SUGCT: variants seen among roughly 807,000 people sequenced by gnomAD.
SUGCT encodes succinyl-CoA:glutarate-CoA transferase.
A neutral mutation model predicts 55.0 loss-of-function variants in SUGCT; 41 were observed. The ratio of observed to expected loss-of-function variants is 0.74; its 90% confidence interval spans 0.58 to 0.97. SUGCT has a LOEUF of 0.97. SUGCT is among the 50% of genes least tolerant of loss of function. SUGCT has a pLI of 0.00. For missense variants in SUGCT, 568 were observed against 547.8 expected (o/e 1.04, Z -0.37); for synonymous variants, 187 against 200.4 (o/e 0.93, Z 0.56).
chr7:41,038,034 A>G, the SUGCT span, among the ~76,000 whole-genome samples: 2 of 152,226 alleles, frequency 1.3e-5, no homozygotes, highest in Non-Finnish European at 2.9e-5. Flanking sequence ...AAGCGGGGGA[A>G]GAGTGCTTCT....
At chr7:40,845,052 T>TG (rs1793487356) in intron 13 of SUGCT, among the ~76,000 whole-genome samples, 1 of 140,736 alleles carries the variant, frequency 7.1e-6, no homozygotes, top group South Asian at 2.4e-4. Context: ...TGGTTTTTGG[T>TG]GGTTTATTTT....
chr7:40,577,745 T>TA (rs1796845954), intron 12 of SUGCT, among the ~76,000 whole-genome samples: 1 of 152,180 alleles, frequency 6.6e-6, no homozygotes, highest in Non-Finnish European at 1.5e-5. Context: ...ACTTTTTTTT[T>TA]AAACTGTAAG....
chr7:40,693,490 G>A (rs1784783503), intron 12 of SUGCT, among the ~76,000 whole-genome samples: 1 of 152,170 alleles, frequency 6.6e-6, no homozygotes, highest in Non-Finnish European at 1.5e-5. Context: ...AAGAAGCTGA[G>A]GGCCAGAGAG....
chr7:40,706,305 G>C (rs1018777231), intron 12 of SUGCT, among the ~76,000 whole-genome samples: 2 of 152,116 alleles, frequency 1.3e-5, no homozygotes, highest in South Asian at 4.1e-4. Flanking sequence ...CCAGGAGTTC[G>C]AGACCAGCCT....
chr7:40,216,436 G>A (rs1481395290), intron 6 of SUGCT, among the ~76,000 whole-genome samples: 1 of 147,100 alleles, frequency 6.8e-6, no homozygotes, highest in Admixed American at 6.9e-5. Context: ...GGAGGAGGAG[G>A]TTGTAGTGAG....
chr7:40,904,828 A>G, the SUGCT span, among the ~76,000 whole-genome samples: 2 of 152,176 alleles, frequency 1.3e-5, no homozygotes, highest in Non-Finnish European at 2.9e-5. Flanking sequence ...GTGTAAAACA[A>G]TCCCTTTTTC....
At chr7:40,736,263 CAATATATA>C (rs1562971078) in intron 12 of SUGCT, among the ~76,000 whole-genome samples, 3 of 75,996 alleles carry the variant, frequency 3.9e-5, no homozygotes, top group Non-Finnish European at 6.9e-5. Context: ...TATAATATTT[CAATATATA>C]ATATATAATA....
the SUGCT span, among the ~76,000 whole-genome samples, chr7:40,982,387 T>C: frequency 1.1e-4 from 17 of 152,104 alleles, no homozygotes; most frequent in African/African-American, 4.1e-4. Context: ...TTACTGGACT[T>C]TTAGGGTTAG....
At chr7:40,595,289 C>T (rs1261823726) in intron 12 of SUGCT, among the ~76,000 whole-genome samples, 1 of 152,138 alleles carries the variant, frequency 6.6e-6, no homozygotes, top group African/African-American at 2.4e-5. Context: ...ATGCTGAAGG[C>T]CACATTCTTT....
intron 12 of SUGCT, among the ~76,000 whole-genome samples, chr7:40,628,482 G>T (rs1446323777): frequency 6.6e-6 from 1 of 152,156 alleles, no homozygotes; most frequent in African/African-American, 2.4e-5. Flanking sequence ...CTGTCAGGTG[G>T]GACATCTAGA....
intron 12 of SUGCT, among the ~76,000 whole-genome samples, chr7:40,677,908 C>T (rs1784072864): frequency 6.6e-6 from 1 of 152,166 alleles, no homozygotes; most frequent in Non-Finnish European, 1.5e-5. Context: ...CTGGGCTGCA[C>T]TCATCTGAAG....
chr7:40,912,964 GCTATCCTTCA>G, the SUGCT span, among the ~76,000 whole-genome samples: 2 of 150,582 alleles, frequency 1.3e-5, no homozygotes, highest in African/African-American at 4.9e-5. Context: ...GCCATCTCCT[GCTATCCTTCA>G]CCATCCTTCC....
intron 12 of SUGCT, among the ~76,000 whole-genome samples, chr7:40,730,967 T>C (rs1786860563): frequency 6.6e-6 from 1 of 152,138 alleles, no homozygotes; most frequent in South Asian, 2.1e-4. Context: ...AATGCTTCAA[T>C]GAATGGACAA....
the SUGCT span, among the ~76,000 whole-genome samples, chr7:40,878,244 A>G: frequency 1.3e-5 from 2 of 152,186 alleles, no homozygotes; most frequent in Admixed American, 1.3e-4. Flanking sequence ...TGCTAATTGA[A>G]AGATTTTCTT....
the SUGCT span, among the ~76,000 whole-genome samples, chr7:40,934,438 C>G: frequency 6.6e-6 from 1 of 152,194 alleles, no homozygotes; most frequent in Non-Finnish European, 1.5e-5. Context: ...TCTTAGCACT[C>G]AAATGCCATG....
chr7:40,186,944 T>G (rs1164354149), intron 3 of SUGCT, among the ~76,000 whole-genome samples: 30 of 152,204 alleles, frequency 2.0e-4, no homozygotes, highest in Non-Finnish European at 5.9e-5. Context: ...GATTTTGAAA[T>G]CATGGCAGCT....
chr7:41,033,314 C>G, the SUGCT span, among the ~76,000 whole-genome samples: 1 of 152,200 alleles, frequency 6.6e-6, no homozygotes, highest in Non-Finnish European at 1.5e-5. Context: ...CTTCCACTAC[C>G]TGCTCTCTTA....
chr7:40,650,017 A>G (rs951202823), intron 12 of SUGCT, among the ~76,000 whole-genome samples: 1 of 152,226 alleles, frequency 6.6e-6, no homozygotes, highest in Non-Finnish European at 1.5e-5. Context: ...TGCAGTTGAC[A>G]TGCTGGCCTA....
intron 13 of SUGCT, among the ~76,000 whole-genome samples, chr7:40,859,590 TGCATTA>T (rs1213623701): frequency 1.3e-5 from 2 of 152,224 alleles, no homozygotes; most frequent in African/African-American, 2.4e-5. Context: ...ACAAGTTTTG[TGCATTA>T]GCATGGGTTA....
Sources: gnomAD v4.1 joint callset for allele counts (sites outside exome capture counted in the v4.1 genomes callset) on GRCh38, gnomAD v4.1.1 for gene constraint, MANE v1.5 for transcripts, NCBI Gene and HGNC (gene_info 2026-07-23, HGNC 2026-07-21) for gene names.